Variants in MCC observed in about 807,000 individuals in gnomAD.
MCC encodes colorectal mutant cancer protein.
MCC carries 90 observed loss-of-function variants against 116.2 expected under a neutral mutation model. The ratio of observed to expected loss-of-function variants is 0.77; its 90% CI spans 0.65 to 0.92. MCC has a LOEUF of 0.92. Among genes scored for constraint, MCC ranks in the 40% least tolerant of loss-of-function variants. The pLI is 0.00. For missense variants in MCC, 1,516 were observed against 1,312.2 expected (o/e 1.16, Z -2.40); for synonymous variants, 578 against 510.5 (o/e 1.13, Z -1.78).
chr5:113,079,515 C>G (rs546012813), intron 11 of MCC, among the ~76,000 whole-genome samples: 2 of 152,272 alleles, frequency 1.3e-5, no homozygotes, highest in South Asian at 4.1e-4. Flanking sequence ...ACATCTACAA[C>G]CATCTGATCT....
intron 3 of MCC, among the ~76,000 whole-genome samples, chr5:113,156,428 A>G (rs1301268660): frequency 1.3e-5 from 2 of 152,214 alleles, no homozygotes; most frequent in Admixed American, 6.5e-5. Flanking sequence ...GTTTGAAGTC[A>G]ACAACCTTCT....
At chr5:113,222,251 G>A (rs564414530) in intron 3 of MCC, among the ~76,000 whole-genome samples, 53 of 152,142 alleles carry the variant, frequency 3.5e-4, no homozygotes, top group Non-Finnish European at 6.0e-4. Context: ...CTAGCTTTGC[G>A]TTGCCAGGAT....
intron 6 of MCC, among the ~76,000 whole-genome samples, chr5:113,108,426 G>A (rs1444820511): frequency 1.1e-4 from 17 of 151,154 alleles, no homozygotes; most frequent in Non-Finnish European, 2.4e-4. Context: ...AGGCTGAGGC[G>A]GGCAGATCAC....
At chr5:113,433,441 C>T (rs528103200) in intron 1 of MCC, 5 of 601,478 alleles carry the variant, frequency 8.3e-6, no homozygotes, top group East Asian at 6.4e-5. Flanking sequence ...TGAGCCGTTG[C>T]GGCCAGTGGG....
chr5:113,387,477 C>G (rs1769289699), intron 1 of MCC, among the ~76,000 whole-genome samples: 1 of 152,168 alleles, frequency 6.6e-6, no homozygotes. Context: ...TGCTTTTACT[C>G]TGAGTTCAGG....
intron 3 of MCC, among the ~76,000 whole-genome samples, chr5:113,250,454 T>G (rs1764753589): frequency 6.6e-6 from 1 of 152,218 alleles, no homozygotes; most frequent in South Asian, 2.1e-4. Context: ...AACCTCTGTT[T>G]CTTGAGTCAT....
At chr5:113,184,476 TTTG>T (rs1761793915) in intron 3 of MCC, among the ~76,000 whole-genome samples, 1 of 127,856 alleles carries the variant, frequency 7.8e-6, no homozygotes, top group Non-Finnish European at 1.6e-5. Flanking sequence ...TTCTTCGTTT[TTTG>T]TTTTTTTTTT....
intron 3 of MCC, among the ~76,000 whole-genome samples, chr5:113,245,010 C>T (rs10519341): frequency 0.034 from 5,153 of 152,232 alleles, 115 homozygotes; most frequent in East Asian, 0.081. Flanking sequence ...TTAAATCATT[C>T]GGGTAGCTTT....
intron 1 of MCC, chr5:113,448,013 G>T (rs918107750): frequency 2.0e-5 from 3 of 152,290 alleles, no homozygotes; most frequent in Admixed American, 6.5e-5. Flanking sequence ...TGGAAAAAGG[G>T]AATAGGAGAA....
At chr5:113,068,472 G>C (rs954050399) in intron 12 of MCC, among the ~76,000 whole-genome samples, 1 of 152,232 alleles carries the variant, frequency 6.6e-6, no homozygotes. Flanking sequence ...AGGACCATGT[G>C]ATTCCCTTGT....
At chr5:113,345,506 G>A (rs543155117) in intron 2 of MCC, among the ~76,000 whole-genome samples, 6 of 152,354 alleles carry the variant, frequency 3.9e-5, no homozygotes, top group African/African-American at 1.4e-4. Context: ...AGTCCTAGTG[G>A]TGGGAACCAC....
At chr5:113,287,850 C>T (rs1561507991) in intron 3 of MCC, among the ~76,000 whole-genome samples, 1 of 152,192 alleles carries the variant, frequency 6.6e-6, no homozygotes, top group Non-Finnish European at 1.5e-5. Context: ...GTAGCAACTA[C>T]CTCTAAGGTG....
intron 1 of MCC, among the ~76,000 whole-genome samples, chr5:113,486,828 C>T (rs1330714005): frequency 7.6e-6 from 1 of 131,180 alleles, no homozygotes; most frequent in Non-Finnish European, 1.6e-5. Flanking sequence ...GGTGATAGAG[C>T]GAGATTCTGT....
intron 11 of MCC, among the ~76,000 whole-genome samples, chr5:113,076,397 G>C: frequency 6.6e-6 from 1 of 152,288 alleles, no homozygotes; most frequent in Admixed American, 6.5e-5. Context: ...AAAATGTTAA[G>C]GGCAGCCACA....
chr5:113,093,720 AC>A (rs1402585676), intron 8 of MCC, among the ~76,000 whole-genome samples: 1 of 151,800 alleles, frequency 6.6e-6, no homozygotes, highest in Non-Finnish European at 1.5e-5. Flanking sequence ...TTGTGGGAGC[AC>A]AGACAAGAGT....
At chr5:113,487,772 A>G (rs1772579660) in intron 1 of MCC, among the ~76,000 whole-genome samples, 1 of 152,188 alleles carries the variant, frequency 6.6e-6, no homozygotes, top group Non-Finnish European at 1.5e-5. Context: ...TTCACAGGTT[A>G]TTTCCCTGTC....
intron 1 of MCC, among the ~76,000 whole-genome samples, chr5:113,443,705 AG>A (rs753449316): frequency 1.3e-5 from 2 of 152,168 alleles, no homozygotes; most frequent in African/African-American, 2.4e-5. Context: ...TTTAGCATGA[AG>A]GGGTGTTGAA....
chr5:113,269,952 AC>A (rs1561496427), intron 3 of MCC, among the ~76,000 whole-genome samples: 1 of 152,218 alleles, frequency 6.6e-6, no homozygotes, highest in African/African-American at 2.4e-5. Context: ...CAATTTTGAA[AC>A]GGACATAATA....
At chr5:113,447,650 G>C (rs466564) in intron 1 of MCC, among the ~76,000 whole-genome samples, 12 of 151,922 alleles carry the variant, frequency 7.9e-5, no homozygotes, top group Admixed American at 7.9e-4. Context: ...TTTTTAAAAA[G>C]ATTTATCTTT....
Sources: gnomAD v4.1 joint callset for allele counts (sites outside exome capture counted in the v4.1 genomes callset) on GRCh38, gnomAD v4.1.1 for gene constraint, MANE v1.5 for transcripts, NCBI Gene and HGNC (gene_info 2026-07-23, HGNC 2026-07-21) for gene names.